Variants in STPG2 observed in about 807,000 individuals in gnomAD.
STPG2 encodes sperm-tail PG-rich repeat-containing protein 2.
In STPG2, 56 loss-of-function variants were observed where a neutral mutation model predicts 54.2. That is an observed-to-expected ratio of 1.03 (90% confidence interval 0.83 to 1.29). The LOEUF (loss-of-function observed/expected upper bound fraction) is 1.29, where lower values mean the gene tolerates loss of function less well. Among genes scored for constraint, STPG2 ranks in the 50% most tolerant of loss-of-function variants. The probability of loss-of-function intolerance (pLI) is 0.00; values close to 1 mark genes in which losing one functional copy is unlikely to be tolerated. For synonymous variants in STPG2, 200 were observed against 181.8 expected, an observed-to-expected ratio of 1.10 and a Z score of -0.81; for missense variants, 596 against 544.9, an observed-to-expected ratio of 1.09 and a Z score of -0.93.
chr4:97,644,138 A>C (rs1187493701), intron 10 of STPG2, among the ~76,000 whole-genome samples: 1 of 151,926 alleles, frequency 6.6e-6, no homozygotes, highest in Non-Finnish European at 1.5e-5. Flanking sequence ...CAAACCTATG[A>C]AAAACAAATA....
chr4:97,507,815 G>A (rs1196607068), intron 4 of STPG2, among the ~76,000 whole-genome samples: 1 of 152,048 alleles, frequency 6.6e-6, no homozygotes, highest in Admixed American at 6.6e-5. Context: ...CCCACAAAGA[G>A]TCAGGGCATG....
At chr4:97,800,354 G>C (rs1727345216) in intron 9 of STPG2, among the ~76,000 whole-genome samples, 1 of 152,144 alleles carries the variant, frequency 6.6e-6, no homozygotes, top group African/African-American at 2.4e-5. Context: ...GTACAAATGG[G>C]GTTTTGGTGT....
chr4:97,701,462 A>C (rs989032754), intron 10 of STPG2, among the ~76,000 whole-genome samples: 1 of 152,128 alleles, frequency 6.6e-6, no homozygotes, highest in Non-Finnish European at 1.5e-5. Context: ...CCTTTCCCCA[A>C]TGCACAGTTA....
intron 9 of STPG2, among the ~76,000 whole-genome samples, chr4:97,824,621 C>T (rs188220395): frequency 6.6e-6 from 1 of 152,286 alleles, no homozygotes; most frequent in Admixed American, 6.5e-5. Context: ...GACCTTGTAA[C>T]CACGTGGCAC....
At chr4:97,563,549 C>A (rs1449599264) in intron 10 of STPG2, among the ~76,000 whole-genome samples, 3 of 152,158 alleles carry the variant, frequency 2.0e-5, no homozygotes, top group African/African-American at 7.2e-5. Context: ...AATTTTGGAT[C>A]TTTCCTGCTT....
chr4:97,905,122 C>T (rs1372798464), intron 8 of STPG2, among the ~76,000 whole-genome samples: 1 of 151,422 alleles, frequency 6.6e-6, no homozygotes, highest in African/African-American at 2.4e-5. Context: ...AAAGATACTC[C>T]TCGAGAAGAG....
At chr4:97,949,497 T>C (rs1022643024) in intron 7 of STPG2, among the ~76,000 whole-genome samples, 1 of 152,206 alleles carries the variant, frequency 6.6e-6, no homozygotes, top group Non-Finnish European at 1.5e-5. Flanking sequence ...TATTGTTTTA[T>C]AGGCCGTGTG....
intron 9 of STPG2, among the ~76,000 whole-genome samples, chr4:97,724,768 G>GGTATCCTTGTCTTCC (rs1724564475): frequency 6.6e-6 from 1 of 152,010 alleles, no homozygotes; most frequent in Non-Finnish European, 1.5e-5. Flanking sequence ...GGTAATAGTA[G>GGTATCCTTGTCTTCC]GTATCCTTGT....
At chr4:97,949,041 C>G (rs1044309809) in intron 7 of STPG2, among the ~76,000 whole-genome samples, 4 of 152,054 alleles carry the variant, frequency 2.6e-5, no homozygotes, top group Non-Finnish European at 4.4e-5. Context: ...GTGTTGCTTT[C>G]TATCTCCTCT....
chr4:97,877,748 A>C (rs1324479661), intron 8 of STPG2, among the ~76,000 whole-genome samples: 1 of 151,824 alleles, frequency 6.6e-6, no homozygotes, highest in Non-Finnish European at 1.5e-5. Flanking sequence ...ATATCATTCC[A>C]CCCCTGGCCC....
intron 7 of STPG2, among the ~76,000 whole-genome samples, chr4:97,968,771 C>T (rs1451084372): frequency 6.6e-6 from 1 of 152,126 alleles, no homozygotes; most frequent in Non-Finnish European, 1.5e-5. Flanking sequence ...GAAACTATTG[C>T]TATGGAATAA....
chr4:97,656,619 G>A (rs79429337), intron 10 of STPG2, among the ~76,000 whole-genome samples: 4,838 of 151,410 alleles, frequency 0.032, 93 homozygotes, highest in Non-Finnish European at 0.048. Flanking sequence ...ACATTTTAGA[G>A]TATTAACAGC....
intron 10 of STPG2, among the ~76,000 whole-genome samples, chr4:97,659,079 G>T (rs1029504760): frequency 1.6e-4 from 25 of 152,014 alleles, no homozygotes; most frequent in African/African-American, 6.0e-4. Context: ...TCCATATAAA[G>T]AAAAGCTCTT....
chr4:97,957,388 A>T (rs996385525), intron 7 of STPG2, among the ~76,000 whole-genome samples: 1 of 151,806 alleles, frequency 6.6e-6, no homozygotes, highest in Non-Finnish European at 1.5e-5. Flanking sequence ...AAAGAAAAAA[A>T]ATAAGAAAAT....
intron 10 of STPG2, among the ~76,000 whole-genome samples, chr4:97,566,596 G>T (rs767783494): frequency 6.6e-6 from 1 of 151,918 alleles, no homozygotes; most frequent in African/African-American, 2.4e-5. Context: ...TGTTTATTGC[G>T]GCACTATTCA....
intron 9 of STPG2, among the ~76,000 whole-genome samples, chr4:97,787,552 G>A (rs1333797228): frequency 6.6e-6 from 1 of 151,924 alleles, no homozygotes; most frequent in African/African-American, 2.4e-5. Context: ...TTTTGTGTCT[G>A]TTCGTGAGAG....
chr4:98,137,562 T>C (rs1450781042), intron 1 of STPG2, among the ~76,000 whole-genome samples: 4 of 151,848 alleles, frequency 2.6e-5, no homozygotes, highest in Non-Finnish European at 5.9e-5. Context: ...AAAAGGGTTT[T>C]AAGTTTAGGT....
At chr4:97,529,059 C>T (rs949308256) in intron 4 of STPG2, among the ~76,000 whole-genome samples, 2 of 152,124 alleles carry the variant, frequency 1.3e-5, no homozygotes, top group African/African-American at 4.8e-5. Flanking sequence ...TTGTCTTGTG[C>T]CAGTTTTCAA....
At chr4:97,458,389 A>G (rs1039737542) in intron 4 of STPG2, among the ~76,000 whole-genome samples, 2 of 152,238 alleles carry the variant, frequency 1.3e-5, no homozygotes, top group African/African-American at 4.8e-5. Context: ...TAATTGAGGT[A>G]AAATCAATAC....
Sources: allele counts gnomAD v4.1 joint callset (sites outside exome capture counted in the v4.1 genomes callset), GRCh38; gene constraint gnomAD v4.1.1; transcripts MANE v1.5; gene names NCBI Gene and HGNC (gene_info 2026-07-23, HGNC 2026-07-21).